Variants in ELOVL5 observed in about 807,000 individuals in gnomAD.
ELOVL5 encodes the protein very long chain fatty acid elongase 5.
A neutral mutation model predicts 38.6 loss-of-function variants in ELOVL5; 8 were observed. The ratio of observed to expected loss-of-function variants is 0.21; its 90% confidence interval spans 0.12 to 0.37. ELOVL5 has a LOEUF of 0.37. ELOVL5 is among the 10% of genes least tolerant of loss of function. The pLI is 1.00. For synonymous variants in ELOVL5, 127 were observed against 133.7 expected (o/e 0.95, Z 0.34); for missense variants, 280 against 367.8 (o/e 0.76, Z 1.95).
chr6:53,317,563 A>AT (rs1475344955), intron 1 of ELOVL5, among the ~76,000 whole-genome samples: 1 of 151,874 alleles, frequency 6.6e-6, no homozygotes, highest in African/African-American at 2.4e-5. Flanking sequence ...CAAACACTGC[A>AT]TGTTCTCACT....
intron 1 of ELOVL5, among the ~76,000 whole-genome samples, chr6:53,308,033 CAT>C (rs1013500638): frequency 3.9e-5 from 6 of 152,090 alleles, no homozygotes; most frequent in South Asian, 2.1e-4. Context: ...AAGATGGTGA[CAT>C]GTGTTAGTAT....
intron 1 of ELOVL5, among the ~76,000 whole-genome samples, chr6:53,347,341 C>T (rs1769591717): frequency 6.6e-6 from 1 of 152,150 alleles, no homozygotes; most frequent in Non-Finnish European, 1.5e-5. Flanking sequence ...CCTGGAGAAT[C>T]CCAGGCAGTG....
chr6:53,348,168 C>T (rs1203300166), intron 1 of ELOVL5, among the ~76,000 whole-genome samples: 2 of 152,126 alleles, frequency 1.3e-5, no homozygotes, highest in African/African-American at 4.8e-5. Flanking sequence ...CCAAGGGCTG[C>T]CGTTGTCTGG....
chr6:53,306,161 C>T (rs1456260103), intron 1 of ELOVL5, among the ~76,000 whole-genome samples: 1 of 146,308 alleles, frequency 6.8e-6, no homozygotes, highest in Middle Eastern at 3.5e-3. Flanking sequence ...GCAGCACAGT[C>T]CAGCTTTGGC....
At chr6:53,274,959 AAAGC>A in intron 5 of ELOVL5, 127 bp downstream of exon 5, 1 of 876,408 alleles carries the variant, frequency 1.1e-6, no homozygotes, top group Non-Finnish European at 1.7e-6. Flanking sequence ...ACTATCATTA[AAAGC>A]AACTTGAACA....
intron 1 of ELOVL5, among the ~76,000 whole-genome samples, chr6:53,319,764 G>A (rs1014415510): frequency 1.3e-5 from 2 of 152,194 alleles, no homozygotes; most frequent in Non-Finnish European, 2.9e-5. Flanking sequence ...TCGGTATAAT[G>A]AGATCAGTTC....
intron 1 of ELOVL5, among the ~76,000 whole-genome samples, chr6:53,317,799 A>ATAT (rs1044456850): frequency 6.6e-6 from 1 of 151,342 alleles, no homozygotes; most frequent in African/African-American, 2.4e-5. Context: ...TATAATAATA[A>ATAT]TAAAATTTTA....
chr6:53,306,256 G>C (rs1475435054), intron 1 of ELOVL5, among the ~76,000 whole-genome samples: 30 of 384 alleles, frequency 0.078, 2 homozygotes, highest in African/African-American at 0.3. Flanking sequence ...GGAGAGGGGA[G>C]AGGGAGAGGG....
At chr6:53,347,285 TC>T (rs1769588860) in intron 1 of ELOVL5, among the ~76,000 whole-genome samples, 1 of 152,088 alleles carries the variant, frequency 6.6e-6, no homozygotes, top group Non-Finnish European at 1.5e-5. Flanking sequence ...AGGGTAAAAA[TC>T]TAAAAGGAAA....
At chr6:53,311,431 C>T (rs1021794327) in intron 1 of ELOVL5, among the ~76,000 whole-genome samples, 5 of 152,086 alleles carry the variant, frequency 3.3e-5, no homozygotes, top group African/African-American at 7.2e-5. Flanking sequence ...GGCAAGTCTT[C>T]AAAAAGTGAA....
chr6:53,305,058 A>AC (rs527518063), intron 1 of ELOVL5, among the ~76,000 whole-genome samples: 3,669 of 121,698 alleles, frequency 0.03, 146 homozygotes, highest in African/African-American at 0.1. Context: ...CGGGGGGCTG[A>AC]CCCCCCCCAC....
chr6:53,294,248 A>T (rs1182247145), intron 2 of ELOVL5: 11 of 1,533,946 alleles, frequency 7.2e-6, no homozygotes, highest in Non-Finnish European at 9.7e-6. Context: ...GATCTAGTCA[A>T]TCTGTGGTGG....
At chr6:53,316,712 G>C (rs1768060145) in intron 1 of ELOVL5, among the ~76,000 whole-genome samples, 3 of 150,562 alleles carry the variant, frequency 2.0e-5, no homozygotes, top group African/African-American at 4.9e-5. Flanking sequence ...GAGGGAGAGG[G>C]GGGAGTCCAA....
intron 1 of ELOVL5, among the ~76,000 whole-genome samples, chr6:53,316,788 T>C (rs1173732727): frequency 6.6e-6 from 1 of 151,200 alleles, no homozygotes. Context: ...GGGCTGCGGG[T>C]GTGTGAGGGG....
At chr6:53,299,324 G>A (rs1767150843) in intron 1 of ELOVL5, among the ~76,000 whole-genome samples, 1 of 152,220 alleles carries the variant, frequency 6.6e-6, no homozygotes, top group Admixed American at 6.5e-5. Context: ...TCAGAGGGCT[G>A]TAGTCAGGGT....
At chr6:53,295,367 G>GA (rs1273032157) in intron 2 of ELOVL5, among the ~76,000 whole-genome samples, 1 of 152,080 alleles carries the variant, frequency 6.6e-6, no homozygotes, top group African/African-American at 2.4e-5. Context: ...CAAGAATTGA[G>GA]AAAAAAATGC....
At chr6:53,279,669 T>G (rs1290892175) in intron 3 of ELOVL5, among the ~76,000 whole-genome samples, 1 of 152,236 alleles carries the variant, frequency 6.6e-6, no homozygotes, top group East Asian at 1.9e-4. Context: ...AGCTTCATAG[T>G]ATTTTAAACG....
chr6:53,344,852 C>T (rs142136840), intron 1 of ELOVL5, among the ~76,000 whole-genome samples: 1 of 152,200 alleles, frequency 6.6e-6, no homozygotes, highest in African/African-American at 2.4e-5. Flanking sequence ...TTGCCTAGAA[C>T]GCATGTCCTC....
At chr6:53,288,076 C>T in intron 3 of ELOVL5, 2 of 773,796 alleles carry the variant, frequency 2.6e-6, no homozygotes, top group Non-Finnish European at 4.3e-6. Context: ...ACCTGTAACA[C>T]TCTAACAAAG....
Sources: allele counts gnomAD v4.1 joint callset (sites outside exome capture counted in the v4.1 genomes callset), GRCh38; gene constraint gnomAD v4.1.1; transcripts MANE v1.5; gene names NCBI Gene and HGNC (gene_info 2026-07-23, HGNC 2026-07-21).